The following OTOG variants were observed in gnomAD, a reference collection of about 807,000 sequenced individuals.
OTOG encodes the protein otogelin.
In OTOG, 296 loss-of-function variants were observed where a neutral mutation model predicts 313.8. The observed-to-expected ratio is 0.94, with a 90% CI of 0.86 to 1.04. The LOEUF is 1.04. Ranked by LOEUF, OTOG falls within the 50% of genes least tolerant of loss-of-function variation. The pLI is 0.00. For synonymous variants in OTOG, 1,533 were observed against 1,554.9 expected, an observed-to-expected ratio of 0.99 and a Z score of 0.33; for missense variants, 3,948 against 3,840.1, an observed-to-expected ratio of 1.03 and a Z score of -0.74.
intron 6 of OTOG, among the ~76,000 whole-genome samples, chr11:17,553,965 C>T (rs979107531): frequency 7.9e-5 from 12 of 152,236 alleles, no homozygotes; most frequent in Admixed American, 2.6e-4. Flanking sequence ...CCTGTTTATT[C>T]GGAAGGATGG....
At chr11:17,620,566 TCTTG>T (rs1853838922) in intron 39 of OTOG, among the ~76,000 whole-genome samples, 1 of 152,254 alleles carries the variant, frequency 6.6e-6, no homozygotes, top group African/African-American at 2.4e-5. Flanking sequence ...CTATCTTTTA[TCTTG>T]CTTATTTCTG....
chr11:17,601,646 TG>T (rs534130546), intron 31 of OTOG, among the ~76,000 whole-genome samples: 4 of 30,158 alleles, frequency 1.3e-4, no homozygotes, highest in South Asian at 3.0e-3. Context: ...GGCATTGGGG[TG>T]GGGGGTGGGC....
chr11:17,579,529 T>C (rs1047925017), intron 23 of OTOG, among the ~76,000 whole-genome samples: 3 of 152,106 alleles, frequency 2.0e-5, no homozygotes, highest in Non-Finnish European at 4.4e-5. Context: ...CCAGAGCACA[T>C]GAGGTCCGTG....
At chr11:17,555,088 G>T (rs1852023871) in intron 6 of OTOG, among the ~76,000 whole-genome samples, 1 of 152,184 alleles carries the variant, frequency 6.6e-6, no homozygotes, top group South Asian at 2.1e-4. Flanking sequence ...GTGCCTTCCT[G>T]GGAAGGGTTT....
chr11:17,619,451 T>G (rs1341049238), intron 39 of OTOG, among the ~76,000 whole-genome samples: 4 of 152,242 alleles, frequency 2.6e-5, no homozygotes, highest in African/African-American at 9.6e-5. Context: ...ATTTTCTATT[T>G]GTGACATCTG....
At position 17,606,052 on chromosome 11, in the gene OTOG, T is replaced by G. The variant is rs1254788677; in HGVS notation, c.4073T>G (p.Leu1358Arg). ...TCCCTGGCCAAGCCCAGCTCCTTCC[T>G]CTATGTGTCGGGCGCGGTGCTGGCC... is the stretch of plus-strand genomic sequence containing the variant. Reference protein sequence around the residue: ...LESLAKPSSFLYVSGAVLALR... With the variant: ...LESLAKPSSFRYVSGAVLALR... The change falls in exon 33 of 56, where the codon CTC becomes CGC. Residue 1358 changes from leucine (L) to arginine (R), a missense_variant. By Grantham distance (102) the Leu-to-Arg change is moderately radical. Transcript: ENST00000399397. 9 of 1,550,518 alleles carry G rather than the reference T, an allele frequency of 5.8e-6. No homozygotes were observed. Among genetic ancestry groups the G allele is most frequent in the South Asian group, 3.6e-5 (3 of 84,050 alleles).
chr11:17,558,577 T>A lies in OTOG; in HGVS notation c.1036T>A (p.Phe346Ile). 1.3e-6 allele frequency: 2 copies of A among 1,550,460 alleles called. No homozygotes were observed. Among genetic ancestry groups the A allele is most frequent in the Non-Finnish European group, 1.7e-6 (2 of 1,146,994 alleles). The change falls in exon 10 of 56, where the codon TTT becomes ATT. Residue 346 changes from phenylalanine (F) to isoleucine (I), a missense_variant. Coordinates refer to ENST00000399397, the MANE Select transcript of OTOG (RefSeq NM_001292063.2). ...GTGTGAGGCTCTACTGCGGCCCCCC[T>A]TTGACGCCTGCCACGCCTACGTCAG... ...EQCEALLRPP[F>I]DACHAYVSPL...
intron 36 of OTOG, 139 bp from the exon 37 acceptor site, chr11:17,612,023 G>A: frequency 9.7e-7 from 1 of 1,029,522 alleles, no homozygotes; most frequent in Non-Finnish European, 1.4e-6. Context: ...GTGGTGGGTA[G>A]GGGGTGAGGG....
chr11:17,597,741 C>G (rs951253645), intron 30 of OTOG, among the ~76,000 whole-genome samples: 1 of 152,058 alleles, frequency 6.6e-6, no homozygotes, highest in African/African-American at 2.4e-5. Flanking sequence ...TTTATTTATT[C>G]CCACGCACCA....
chr11:17,627,004 T>C (rs1476538864), intron 39 of OTOG, among the ~76,000 whole-genome samples: 2 of 152,252 alleles, frequency 1.3e-5, no homozygotes, highest in Non-Finnish European at 2.9e-5. Flanking sequence ...AAATCAGTTC[T>C]AGTAGTTTTT....
At chr11:17,558,112 C>T in intron 8 of OTOG, 73 bp from the exon 9 acceptor site, 1 of 1,520,276 alleles carries the variant, frequency 6.6e-7, no homozygotes, top group Non-Finnish European at 8.9e-7. Flanking sequence ...TCCGCTTTCC[C>T]TCAGAGCCTT....
intron 13 of OTOG, 84 bp from the exon 14 acceptor site, chr11:17,561,007 G>C (rs893428939): frequency 1.5e-5 from 22 of 1,438,038 alleles, no homozygotes; most frequent in Non-Finnish European, 1.8e-5. Context: ...TGGGAAGACT[G>C]AGGGCTGTGG....
At chr11:17,591,738 C>T (rs1400081655) in intron 25 of OTOG, 150 bp downstream of exon 25, 1 of 1,054,790 alleles carries the variant, frequency 9.5e-7, no homozygotes, top group Non-Finnish European at 1.4e-6. Context: ...AGTGCTGAGG[C>T]ACAAGCTCAG....
At chr11:17,606,359 C>A (rs1179612536) in intron 33 of OTOG, among the ~76,000 whole-genome samples, 4 of 152,246 alleles carry the variant, frequency 2.6e-5, no homozygotes, top group Non-Finnish European at 5.9e-5. Flanking sequence ...AGCCAATTTC[C>A]TGGGTCCTGC....
rs563996744 is a variant in OTOG at position 17,610,008 on chromosome 11, C to T, written c.4708C>T (p.Leu1570Phe). Reference protein sequence around the residue: ...AIPHTPESSSLPVALQTPTPG... With the variant: ...AIPHTPESSSFPVALQTPTPG... ...CCCCCATACACCAGAGTCCTCATCCCTCCCTGTTGCACTGCAGACACCCAC... is the reference window on the plus strand; with the variant it reads ...CCCCCATACACCAGAGTCCTCATCCTTCCCTGTTGCACTGCAGACACCCAC... Residue 1570 changes from leucine to phenylalanine, a missense_variant, in exon 36 of 56, where the codon CTC becomes TTC. Leu to Phe is a conservative substitution (Grantham distance 22). Transcript: ENST00000399397. The T allele has an allele frequency of 6.9e-5, 107 of 1,544,998 alleles. 2 individuals are homozygous for T. The South Asian group carries it at 1.2e-3, about 18-fold the overall frequency.
chr11:17,579,659 A>G (rs2134038439), intron 23 of OTOG, among the ~76,000 whole-genome samples: 1 of 152,306 alleles, frequency 6.6e-6, no homozygotes. Flanking sequence ...TGGGCCCCGG[A>G]GTGGCATTTG....
At chr11:17,643,059 C>T (rs1848006614) in intron 53 of OTOG, among the ~76,000 whole-genome samples, 1 of 152,180 alleles carries the variant, frequency 6.6e-6, no homozygotes, top group African/African-American at 2.4e-5. Context: ...GAAAATTAAG[C>T]CTAGAGGAAG....
At chr11:17,595,464 T>G (rs901263070) in intron 28 of OTOG, among the ~76,000 whole-genome samples, 4 of 152,212 alleles carry the variant, frequency 2.6e-5, no homozygotes, top group African/African-American at 9.6e-5. Context: ...TATTTCAGTT[T>G]CTGTGGGCCA....
intron 3 of OTOG, among the ~76,000 whole-genome samples, chr11:17,550,377 C>T (rs1460218817): frequency 6.6e-6 from 1 of 152,034 alleles, no homozygotes; most frequent in Non-Finnish European, 1.5e-5. Flanking sequence ...TCCTTTGTAA[C>T]CTTATCCTTT....
Sources: allele counts gnomAD v4.1 joint callset (sites outside exome capture counted in the v4.1 genomes callset), GRCh38; gene constraint gnomAD v4.1.1; transcripts MANE v1.5; gene names NCBI Gene and HGNC (gene_info 2026-07-23, HGNC 2026-07-21).